TMEM135: variants seen among roughly 807,000 people sequenced by gnomAD.
The protein encoded by TMEM135 is peroxisomal membrane protein 52.
Under a neutral mutation model 60.3 loss-of-function variants are expected in TMEM135, and 30 were observed. The observed-to-expected ratio is 0.50, with a 90% CI of 0.37 to 0.68. The LOEUF is 0.68. TMEM135 is among the 30% of genes least tolerant of loss of function. The pLI is 0.00. For missense variants in TMEM135, 468 were observed against 548.8 expected (o/e 0.85, Z 1.47); for synonymous variants, 190 against 186.7 (o/e 1.02, Z -0.14).
At chr11:87,212,830 A>AGG (rs1940405906) in intron 5 of TMEM135, among the ~76,000 whole-genome samples, 1 of 151,652 alleles carries the variant, frequency 6.6e-6, no homozygotes, top group East Asian at 1.9e-4. Context: ...TTTGGAAAAA[A>AGG]AAAAAAAAAA....
intron 5 of TMEM135, among the ~76,000 whole-genome samples, chr11:87,222,366 C>T (rs1399004609): frequency 1.4e-4 from 20 of 139,972 alleles, no homozygotes; most frequent in Admixed American, 7.9e-4. Context: ...GGCGTGGTGG[C>T]GGGCGCCTGT....
chr11:87,109,692 T>G (rs904756860), intron 4 of TMEM135, among the ~76,000 whole-genome samples: 1 of 152,150 alleles, frequency 6.6e-6, no homozygotes, highest in African/African-American at 2.4e-5. Flanking sequence ...TATGTCAGTT[T>G]TATCTTAATA....
chr11:87,316,189 G>A (rs1346982297), intron 12 of TMEM135, among the ~76,000 whole-genome samples: 2 of 151,786 alleles, frequency 1.3e-5, no homozygotes, highest in Non-Finnish European at 2.9e-5. Context: ...AAATACATTT[G>A]GAACATAGTG....
At chr11:87,242,301 G>A (rs61905644) in intron 6 of TMEM135, among the ~76,000 whole-genome samples, 13,361 of 151,414 alleles carry the variant, frequency 0.088, 754 homozygotes, top group South Asian at 0.16. Context: ...GAATAGTGCC[G>A]CAATAAACAT....
At chr11:87,065,160 C>A (rs1034824532) in intron 1 of TMEM135, among the ~76,000 whole-genome samples, 2 of 152,138 alleles carry the variant, frequency 1.3e-5, no homozygotes, top group African/African-American at 4.8e-5. Flanking sequence ...CATTCCTTCA[C>A]AGGTTTTTGT....
At position 87,321,911 on chromosome 11, in the gene TMEM135, G is replaced by C; in HGVS notation, c.*578G>C. ...TCTTACTTCAGGGATGCAAAGATGG[G>C]TCTCATACCATTTGGATAAATGTCG... On this transcript the variant is annotated 3_prime_UTR_variant, in exon 15 of 15. Coordinates refer to ENST00000305494, the MANE Select transcript of TMEM135 (RefSeq NM_022918.4). The C allele has an allele frequency of 2.2e-6, 1 of 454,314 alleles. No homozygotes were observed. The highest frequency in any genetic ancestry group is 1.6e-5 in the South Asian group (1 of 64,470). The allele number at this position is 454,314 out of a possible 1,614,324, so 28.1% of individuals were successfully genotyped here. A position where few individuals can be genotyped will look rare whatever the true frequency, so the allele number is the denominator to read the frequency against.
At chr11:87,057,126 G>T (rs772180316) in intron 1 of TMEM135, among the ~76,000 whole-genome samples, 41 of 152,120 alleles carry the variant, frequency 2.7e-4, no homozygotes, top group Non-Finnish European at 5.3e-4. Context: ...ATATACGCAG[G>T]ACTCAGTCTG....
Position 87,054,608 on chromosome 11 carries a change from C to A in TMEM135, c.142-13086C>A, listed in dbSNP as rs370471028. 2.0e-5 allele frequency among the ~76,000 whole-genome samples: 3 copies of A among 152,064 alleles called. No individual in the cohort carries two copies. In the South Asian group the frequency reaches 6.2e-4, roughly 32 times the overall value. ...TTACTGTCATTTATTTTGTATAGCC[C>A]TTTGACTCATTAGATTTGTCAGGTT... On this transcript the variant is annotated intron_variant, in intron 1 of 14. Transcript: ENST00000305494.
At chr11:87,237,573 T>A (rs978327660) in intron 6 of TMEM135, among the ~76,000 whole-genome samples, 21 of 152,066 alleles carry the variant, frequency 1.4e-4, no homozygotes, top group South Asian at 2.1e-4. Context: ...TTTAAAAAAA[T>A]TTTTATTTTT....
chr11:87,215,696 C>T (rs502427), intron 5 of TMEM135, among the ~76,000 whole-genome samples: 19,807 of 152,174 alleles, frequency 0.13, 1,338 homozygotes, highest in Non-Finnish European at 0.15. Context: ...ATCTCTGTCT[C>T]TAGGAGTGGA....
intron 4 of TMEM135, among the ~76,000 whole-genome samples, chr11:87,127,470 A>T (rs1020344122): frequency 2.0e-4 from 30 of 152,172 alleles, no homozygotes; most frequent in African/African-American, 7.0e-4. Context: ...CTCTGTTTTG[A>T]TCCCAGGTTC....
chr11:87,094,346 T>G (rs1442654958), intron 4 of TMEM135, among the ~76,000 whole-genome samples: 1 of 152,240 alleles, frequency 6.6e-6, no homozygotes, highest in Non-Finnish European at 1.5e-5. Context: ...TCTCATTTTC[T>G]TCTTACAGCC....
At chr11:87,222,801 C>G (rs956213050) in intron 5 of TMEM135, among the ~76,000 whole-genome samples, 1 of 149,820 alleles carries the variant, frequency 6.7e-6, no homozygotes, top group Non-Finnish European at 1.5e-5. Context: ...GCGAAACTGT[C>G]TCAAAAAAAA....
intron 5 of TMEM135, among the ~76,000 whole-genome samples, chr11:87,182,995 G>A (rs502191): frequency 2.6e-5 from 4 of 151,820 alleles, no homozygotes; most frequent in African/African-American, 9.7e-5. Flanking sequence ...TTAATTCCAG[G>A]AGAACATGTT....
chr11:87,167,396 G>C (rs1193464003), intron 5 of TMEM135, among the ~76,000 whole-genome samples: 1 of 152,176 alleles, frequency 6.6e-6, no homozygotes, highest in Non-Finnish European at 1.5e-5. Flanking sequence ...CATTTTCAAA[G>C]AGAATGCTTC....
chr11:87,238,265 C>T (rs1221383736), intron 6 of TMEM135, among the ~76,000 whole-genome samples: 4 of 151,694 alleles, frequency 2.6e-5, no homozygotes, highest in African/African-American at 9.7e-5. Context: ...GCTAGTATGT[C>T]CTAATAAACA....
Position 87,309,553 on chromosome 11 carries a change from C to T in TMEM135, c.817C>T (p.Arg273Ter). ...SVGYLIQCCL[R>*]IPSAFRHLFT... ...GGGGTACTTGATCCAGTGCTGCCTC[C>T]GAATCCCTTCTGCATTTAGGCATCT... The change falls in exon 10 of 15, where the codon CGA becomes TGA. Residue 273 changes from arginine (R) to a stop codon, truncating the protein, a stop_gained. Transcript: ENST00000305494. LOFTEE classifies it high-confidence loss of function. 1.2e-6 allele frequency: 2 copies of T among 1,613,790 alleles called. No individual in the cohort carries two copies. Among genetic ancestry groups the T allele is most frequent in the Non-Finnish European group, 1.7e-6 (2 of 1,179,804 alleles).
rs187956381 is a variant in TMEM135, at chr11:87,200,412, A to T, written c.463-36226A>T. Among the ~76,000 whole-genome samples the T allele has an allele frequency of 3.3e-5, 5 of 152,286 alleles. No individual in the cohort carries two copies. The East Asian group carries it at 9.6e-4, about 29-fold the overall frequency. ...TATAGGTAATTTTGTGATTTCCTTT[A>T]ATTTTTCTTCTTCATTACAGACCTT... is the stretch of plus-strand genomic sequence containing the variant. On this transcript the variant is annotated intron_variant, in intron 5 of 14. Coordinates refer to ENST00000305494, the MANE Select transcript of TMEM135 (RefSeq NM_022918.4).
At chr11:87,308,616 AG>A (rs1166739407) in intron 9 of TMEM135, among the ~76,000 whole-genome samples, 2 of 152,170 alleles carry the variant, frequency 1.3e-5, no homozygotes, top group Non-Finnish European at 2.9e-5. Context: ...AGAGAGGAGG[AG>A]GATGGGACAC....
Sources: gnomAD v4.1 joint callset for allele counts (sites outside exome capture counted in the v4.1 genomes callset) on GRCh38, gnomAD v4.1.1 for gene constraint, MANE v1.5 for transcripts, NCBI Gene and HGNC (gene_info 2026-07-23, HGNC 2026-07-21) for gene names.